Variants in DDX60L observed in about 807,000 individuals in gnomAD.
DDX60L encodes the protein DExD/H-box 60 like.
A neutral mutation model predicts 211.6 loss-of-function variants in DDX60L; 191 were observed. That is an observed-to-expected ratio of 0.90 (90% CI 0.80 to 1.02). The LOEUF (loss-of-function observed/expected upper bound fraction) is 1.02. Among genes scored for constraint, DDX60L ranks in the 50% least tolerant of loss-of-function variants. The pLI, the probability that DDX60L is intolerant of heterozygous loss-of-function variation, is 0.00. For synonymous variants in DDX60L, 706 were observed against 694.1 expected (o/e 1.02, Z -0.27); for missense variants, 2,007 against 1,984.1 (o/e 1.01, Z -0.22).
chr4:168,450,634 G>C (rs896818816), intron 8 of DDX60L, among the ~76,000 whole-genome samples: 1 of 152,108 alleles, frequency 6.6e-6, no homozygotes, highest in African/African-American at 2.4e-5. Context: ...AATTAGCCTT[G>C]GCTAGGTACC....
intron 25 of DDX60L, among the ~76,000 whole-genome samples, chr4:168,403,494 C>A (rs1168109097): frequency 6.6e-6 from 1 of 152,190 alleles, no homozygotes; most frequent in Non-Finnish European, 1.5e-5. Flanking sequence ...TGTCCCACTT[C>A]GGTTCTCCTA....
rs370033695 is a variant in DDX60L at position 168,394,570 on chromosome 4, T to C, written c.3705A>G (p.Lys1235=). The C allele has an allele frequency of 3.1e-6, 5 of 1,613,668 alleles. 1 individual carries two copies. The highest frequency in any genetic ancestry group is 2.7e-5 in the African/African-American group (2 of 75,056). The part of the protein sequence containing the change: ...LPRVRFTRHG[K]ELKALAQRGI... ...CCCTTTGTGCTAAAGCCTTCAGTTC[T>C]TTGCCGTGTCTTGTAAATCGCACTC... is the stretch of plus-strand genomic sequence containing the variant. Residue 1235 remains lysine, a synonymous_variant, in exon 28 of 38, where the codon AAA becomes AAG. Coordinates refer to ENST00000682922, the MANE Select transcript of DDX60L (RefSeq NM_001012967.3).
chr4:168,432,645 C>G, intron 11 of DDX60L, 75 bp from the exon 12 acceptor site: 3 of 827,044 alleles, frequency 3.6e-6, no homozygotes, highest in Non-Finnish European at 5.4e-6. Context: ...GCTGTGATAA[C>G]AGAAATTGTA....
intron 22 of DDX60L, among the ~76,000 whole-genome samples, chr4:168,411,540 A>G (rs1319216074): frequency 6.6e-6 from 1 of 152,016 alleles, no homozygotes; most frequent in Non-Finnish European, 1.5e-5. Context: ...CCTGACCCAG[A>G]GGAGAACTGC....
intron 33 of DDX60L, among the ~76,000 whole-genome samples, chr4:168,375,936 T>C (rs1741875012): frequency 6.6e-6 from 1 of 152,206 alleles, no homozygotes; most frequent in East Asian, 1.9e-4. Flanking sequence ...TGTTATATGT[T>C]AGCTCAGTTA....
chr4:168,403,626 A>G (rs6552732), intron 25 of DDX60L, among the ~76,000 whole-genome samples: 84,502 of 151,984 alleles, frequency 0.56, 23,891 homozygotes, highest in Middle Eastern at 0.63. Flanking sequence ...ATAAATTATG[A>G]ATGCTTTATG....
chr4:168,391,723 C>T, intron 28 of DDX60L, 79 bp from the exon 29 acceptor site: 4 of 705,838 alleles, frequency 5.7e-6, no homozygotes, highest in Non-Finnish European at 9.0e-6. Context: ...CCACTCCAGT[C>T]ACTGAACAAC....
At chr4:168,361,765 T>A (rs1398937735) in intron 36 of DDX60L, among the ~76,000 whole-genome samples, 4 of 152,178 alleles carry the variant, frequency 2.6e-5, no homozygotes, top group Non-Finnish European at 5.9e-5. Flanking sequence ...CCATCACAGA[T>A]GCCAGCAGTT....
intron 26 of DDX60L, among the ~76,000 whole-genome samples, chr4:168,397,008 G>A (rs1405704775): frequency 1.3e-5 from 2 of 152,138 alleles, no homozygotes; most frequent in Non-Finnish European, 2.9e-5. Flanking sequence ...AAGTCACGAA[G>A]ACAGAGTTTT....
At chr4:168,366,622 G>GAA (rs35134300) in intron 36 of DDX60L, among the ~76,000 whole-genome samples, 14 of 151,526 alleles carry the variant, frequency 9.2e-5, no homozygotes, top group Admixed American at 2.6e-4. Flanking sequence ...ACAAAAATAG[G>GAA]AAAAAAAATC....
At chr4:168,438,953 G>C (rs1373093024) in intron 10 of DDX60L, among the ~76,000 whole-genome samples, 4 of 152,150 alleles carry the variant, frequency 2.6e-5, no homozygotes, top group Admixed American at 1.3e-4. Context: ...AGTGTGCTTT[G>C]TATCACAGTA....
intron 36 of DDX60L, among the ~76,000 whole-genome samples, chr4:168,363,260 G>A (rs2684354): frequency 0.7 from 106,205 of 152,092 alleles, 38,951 homozygotes; most frequent in East Asian, 0.85. Context: ...ACAAGCAAAA[G>A]CTGAGGAAAT....
rs772540117 is a variant in DDX60L at position 168,422,632 on chromosome 4, G to C, written c.2136C>G (p.Asp712Glu). The C allele has an allele frequency of 2.5e-6, 4 of 1,610,842 alleles. No homozygotes were observed. The highest frequency in any genetic ancestry group is 1.1e-5 in the South Asian group (1 of 90,522). Residue 712 changes from aspartate (D) to glutamate (E), a missense_variant, in exon 16 of 38, where the codon GAC (aspartate) becomes GAG (glutamate). Physicochemically the swap from Asp to Glu is conservative, Grantham distance 45 (BLOSUM62 2). Coordinates refer to ENST00000682922, the MANE Select transcript of DDX60L (RefSeq NM_001012967.3). ...DDKNKKKYSI[D>E]IGPARFQLQY... ...GCAGTTGAAACCGAGCTGGTCCAATGTCAATCGAATATTTCTTCTTATTTT... is the reference window on the plus strand; with the variant it reads ...GCAGTTGAAACCGAGCTGGTCCAATCTCAATCGAATATTTCTTCTTATTTT...
At chr4:168,416,660 C>A (rs1233589094) in intron 20 of DDX60L, 22 bp downstream of exon 20, 4 of 1,455,262 alleles carry the variant, frequency 2.7e-6, no homozygotes, top group Non-Finnish European at 3.8e-6. Flanking sequence ...ATATAACAAC[C>A]ACTCTTTTTA....
chr4:168,443,570 A>G (rs1320787591), intron 9 of DDX60L, among the ~76,000 whole-genome samples: 6 of 152,080 alleles, frequency 3.9e-5, no homozygotes, highest in African/African-American at 4.8e-5. Context: ...CAAGACACAT[A>G]ATTGTCAGAT....
chr4:168,398,375 T>G (rs1746194817), intron 26 of DDX60L, among the ~76,000 whole-genome samples: 1 of 152,172 alleles, frequency 6.6e-6, no homozygotes, highest in Admixed American at 6.5e-5. Flanking sequence ...CTCGGCTGTT[T>G]CCAGACATTG....
rs1306271781 is a variant in DDX60L at position 168,461,668 on chromosome 4, A to AG, written c.606+30dup. Reference sequence around the variant, plus strand: ...ATTTTGAGAATTAAAACAAGAAATCAGGAAAAAAATGAGTTATTAATGTCA... The same window carrying AG: ...ATTTTGAGAATTAAAACAAGAAATCAGGGAAAAAAATGAGTTATTAATGTCA... On this transcript the variant is annotated intron_variant, in intron 5 of 37. Transcript: ENST00000682922. 2.9e-6 allele frequency: 4 copies of AG among 1,395,802 alleles called. No homozygotes were observed. The East Asian group carries it at 1.0e-4, about 35-fold the overall frequency. The allele number at this position is 1,395,802 out of a possible 1,614,324, so 86.5% of individuals were successfully genotyped here. A position where few individuals can be genotyped will look rare whatever the true frequency, so the allele number is the denominator to read the frequency against.
intron 10 of DDX60L, among the ~76,000 whole-genome samples, chr4:168,436,765 G>A (rs1222309019): frequency 6.6e-6 from 1 of 152,156 alleles, no homozygotes; most frequent in African/African-American, 2.4e-5. Context: ...TGTTCTGTTT[G>A]TTTAGATATC....
Position 168,417,093 on chromosome 4 carries a change from G to C in DDX60L, c.2611-296C>G, listed in dbSNP as rs150802650. Among the ~76,000 whole-genome samples, 582 of 152,190 alleles carry C rather than the reference G, an allele frequency of 3.8e-3. 2 individuals carry two copies. The highest frequency in any genetic ancestry group is 8.3e-3 in the South Asian group (40 of 4,826). On this transcript the variant is annotated intron_variant, in intron 19 of 37. Coordinates refer to ENST00000682922, the MANE Select transcript of DDX60L (RefSeq NM_001012967.3). ...CACCATCACCTGGCTTTCTACAACA[G>C]CCTTCTGATTTTTCTCTTAGCTTCC...
Sources: allele counts gnomAD v4.1 joint callset (sites outside exome capture counted in the v4.1 genomes callset), GRCh38; gene constraint gnomAD v4.1.1; transcripts MANE v1.5; gene names NCBI Gene and HGNC (gene_info 2026-07-23, HGNC 2026-07-21).